The following PAK4 variants were observed in gnomAD, a reference collection of about 807,000 sequenced individuals.
PAK4 encodes the protein p21 (RAC1) activated kinase 4.
Under a neutral mutation model 53.5 loss-of-function variants are expected in PAK4, and 49 were observed. The observed-to-expected ratio is 0.92, with a 90% CI of 0.73 to 1.16. The LOEUF is 1.16. Ranked by LOEUF, PAK4 falls within the 50% of genes most tolerant of loss-of-function variation. The pLI is 0.00. For missense variants in PAK4, 824 were observed against 850.7 expected, an observed-to-expected ratio of 0.97 and a Z score of 0.39; for synonymous variants, 376 against 375.6, an observed-to-expected ratio of 1.00 and a Z score of -0.01.
chr19:39,159,824 C>T (rs988385498), intron 1 of PAK4, among the ~76,000 whole-genome samples: 24 of 152,334 alleles, frequency 1.6e-4, no homozygotes, highest in African/African-American at 4.8e-4. Context: ...CCTGGAGGAA[C>T]GAAGGAGAGC....
In PAK4 at chr19:39,173,677, T is replaced by C. The variant is rs1365180750; in HGVS notation, c.765T>C (p.Gly255=). The change falls in exon 4 of 9, where the codon GGT becomes GGC. Residue 255 remains glycine, a synonymous_variant. Transcript: ENST00000358301. This position sits in a 1 kb window ranked among gnomAD's most constrained non-coding sequence, Gnocchi z 6.9. ...CCCGGCCTCCCACCCGAGCCCGAGG[T>C]GCCCCCAGCCCTGGAGTGCTGGGAC... 6.3e-7 allele frequency: 1 copy of C among 1,583,332 alleles called. No homozygotes were observed. The highest frequency in any genetic ancestry group is 1.1e-5 in the South Asian group (1 of 88,758).
intron 1 of PAK4, among the ~76,000 whole-genome samples, chr19:39,169,219 C>T (rs2074429142): frequency 6.6e-6 from 1 of 151,294 alleles, no homozygotes; most frequent in South Asian, 2.1e-4. Context: ...GGCAGAGGGG[C>T]CAGCCCGTGC....
At chr19:39,156,145 C>T (rs1410563801) in intron 1 of PAK4, among the ~76,000 whole-genome samples, 1 of 152,206 alleles carries the variant, frequency 6.6e-6, no homozygotes, top group Non-Finnish European at 1.5e-5. Flanking sequence ...GATTCCTCCT[C>T]ATGGGTGAGG....
intron 1 of PAK4, among the ~76,000 whole-genome samples, chr19:39,138,188 A>G (rs779293947): frequency 2.6e-5 from 4 of 151,998 alleles, no homozygotes; most frequent in Admixed American, 6.6e-5. Context: ...GGGTTTCACT[A>G]TGTTGGCCAT....
chr19:39,147,206 A>G (rs887046800), intron 1 of PAK4, among the ~76,000 whole-genome samples: 3 of 152,122 alleles, frequency 2.0e-5, no homozygotes, highest in East Asian at 1.9e-4. Flanking sequence ...TCATCTGTCT[A>G]TTCCCCCATT....
chr19:39,153,508 C>G (rs1222281314), intron 1 of PAK4, among the ~76,000 whole-genome samples: 1 of 152,250 alleles, frequency 6.6e-6, no homozygotes, highest in African/African-American at 2.4e-5. Context: ...GCGGCACCAT[C>G]TCGGCTCACT....
At position 39,173,415 on chromosome 19, in the gene PAK4, G is replaced by GC; in HGVS notation, c.663+42dup. On this transcript the variant is annotated intron_variant, in intron 3 of 8. Coordinates refer to ENST00000358301, the Ensembl canonical transcript of PAK4. The surrounding 1 kb of genome is among the most constrained non-coding windows in gnomAD (Gnocchi z 6.9). ...CGCCCCAGGGCCCCCACTGTCCCCT[G>GC]CCCGTTGCTCCTCTGTCCCCACCTT... 6.9e-7 allele frequency: 1 copy of GC among 1,441,798 alleles called. No individual in the cohort carries two copies. Among genetic ancestry groups the GC allele is most frequent in the South Asian group, 1.4e-5 (1 of 71,546 alleles). The allele number at this position is 1,441,798 out of a possible 1,614,324, so 89.3% of individuals were successfully genotyped here.
intron 1 of PAK4, among the ~76,000 whole-genome samples, chr19:39,128,559 T>C (rs2073635308): frequency 1.3e-5 from 2 of 152,248 alleles, no homozygotes; most frequent in South Asian, 2.1e-4. Context: ...TTACCAGCCA[T>C]GGGACAAATG....
At position 39,173,319 on chromosome 19, in the gene PAK4, C is replaced by T; in HGVS notation, c.606C>T (p.Gly202=). ...CCAGTGGGGCGAAACTGGCAGCTGGCCGGCCCTTTAACACCTACCCGAGGG... is the reference window on the plus strand; with the variant it reads ...CCAGTGGGGCGAAACTGGCAGCTGGTCGGCCCTTTAACACCTACCCGAGGG... Residue 202 remains glycine, a synonymous_variant, in exon 3 of 9, where the codon GGC becomes GGT. Transcript: ENST00000358301. The surrounding 1 kb of genome is among the most constrained non-coding windows in gnomAD (Gnocchi z 6.9). 1 of 1,595,956 alleles carries T rather than the reference C, an allele frequency of 6.3e-7. No individual in the cohort carries two copies. The highest frequency in any genetic ancestry group is 8.5e-7 in the Non-Finnish European group (1 of 1,170,952).
At chr19:39,152,699 G>T (rs186235987) in intron 1 of PAK4, among the ~76,000 whole-genome samples, 1 of 152,190 alleles carries the variant, frequency 6.6e-6, no homozygotes, top group Non-Finnish European at 1.5e-5. Flanking sequence ...AAGGCATTAC[G>T]TTTGGGGGGG....
At chr19:39,153,056 A>G (rs368610821) in intron 1 of PAK4, among the ~76,000 whole-genome samples, 4 of 152,102 alleles carry the variant, frequency 2.6e-5, no homozygotes, top group Non-Finnish European at 4.4e-5. Context: ...AGATATATCA[A>G]TTTTTTTCTT....
chr19:39,139,747 G>A (rs1183930221), intron 1 of PAK4, among the ~76,000 whole-genome samples: 2 of 152,164 alleles, frequency 1.3e-5, no homozygotes, highest in Non-Finnish European at 1.5e-5. Flanking sequence ...AGGGTCACCC[G>A]GGGTGGGAGG....
chr19:39,178,776 C>T lies in PAK4; in HGVS notation c.*197C>T, dbSNP rs1009868227. The T allele has an allele frequency of 1.6e-5, 8 of 511,104 alleles. No homozygotes were observed. The highest frequency in any genetic ancestry group is 1.4e-4 in the East Asian group (4 of 27,910). The allele number at this position is 511,104 out of a possible 1,614,324, so 31.7% of individuals were successfully genotyped here. ...CGTGACTTTTAGAAAAACACAGGGA[C>T]TCGTGGGAGCAAGCGAGGCTCCCAG... On this transcript the variant is annotated 3_prime_UTR_variant, in exon 9 of 9. Coordinates refer to ENST00000358301, the Ensembl canonical transcript of PAK4. This position sits in a 1 kb window ranked among gnomAD's most constrained non-coding sequence, Gnocchi z 4.4.
In PAK4 at chr19:39,141,595, C is replaced by T. The variant is rs146478763; in HGVS notation, c.-23+15676C>T. 6.0e-3 allele frequency among the ~76,000 whole-genome samples: 911 copies of T among 151,894 alleles called. 15 individuals carry two copies. The highest frequency in any genetic ancestry group is 0.02 in the African/African-American group (846 of 41,404). On this transcript the variant is annotated intron_variant, in intron 1 of 8. Coordinates refer to ENST00000358301, the Ensembl canonical transcript of PAK4. The stretch of plus-strand genomic sequence containing the variant: ...CCTCCCAAAGTGCTGGAATTATAGG[C>T]GTGAGCCACCGTACCCTGCCATAAT...
intron 2 of PAK4, among the ~76,000 whole-genome samples, chr19:39,170,300 A>G (rs2074454617): frequency 6.6e-6 from 1 of 151,478 alleles, no homozygotes; most frequent in African/African-American, 2.4e-5. Context: ...ATGCTGGGGA[A>G]GCCGGGCTTT....
At chr19:39,128,600 G>T (rs1055395795) in intron 1 of PAK4, among the ~76,000 whole-genome samples, 1 of 152,158 alleles carries the variant, frequency 6.6e-6, no homozygotes, top group African/African-American at 2.4e-5. Flanking sequence ...CCTTCAACAC[G>T]TTTGGCTAGG....
At position 39,141,320 on chromosome 19, in the gene PAK4, C is replaced by CTT. The variant is rs36112621; in HGVS notation, c.-23+15413_-23+15414dup. Among the ~76,000 whole-genome samples, 982 of 145,842 alleles carry CTT rather than the reference C, an allele frequency of 6.7e-3. 9 individuals carry two copies. The highest frequency in any genetic ancestry group is 9.9e-3 in the African/African-American group (395 of 39,788). On this transcript the variant is annotated intron_variant, in intron 1 of 8. Transcript: ENST00000358301. ...ATGCTTCCCCAGTTGTCTTATAATC[C>CTT]TTTTTTTTTTTTTGAGACAGAGTCT...
At chr19:39,176,405 C>G (rs931792347) in intron 6 of PAK4, 185 bp from the exon 8 acceptor site, 5 of 735,672 alleles carry the variant, frequency 6.8e-6, no homozygotes, top group Non-Finnish European at 1.1e-5. Context: ...CCCGAGGGCC[C>G]CCACCAGGAG....
At chr19:39,143,168 T>C (rs1382210952) in intron 1 of PAK4, among the ~76,000 whole-genome samples, 1 of 151,918 alleles carries the variant, frequency 6.6e-6, no homozygotes, top group Non-Finnish European at 1.5e-5. Flanking sequence ...CCCACTAGAA[T>C]GTCAACTCCA....
Sources: gnomAD v4.1 joint callset for allele counts (sites outside exome capture counted in the v4.1 genomes callset) on GRCh38, gnomAD v4.1.1 for gene constraint, Gnocchi (gnomAD v3.1) non-coding constraint, MANE v1.5 for transcripts, NCBI Gene and HGNC (gene_info 2026-07-23, HGNC 2026-07-21) for gene names.